Variants in RAD23B observed in about 807,000 individuals in gnomAD.
The protein encoded by RAD23B is RAD23 nucleotide excision repair protein B, also known as lysine-specific demethylase RAD23B.
In RAD23B, 5 loss-of-function variants were observed where a neutral mutation model predicts 49.1. That is an observed-to-expected ratio of 0.10 (90% CI 0.05 to 0.21). The LOEUF is 0.21. Ranked by LOEUF, RAD23B falls within the 10% of genes least tolerant of loss-of-function variation. The pLI, the probability that RAD23B is intolerant of heterozygous loss-of-function variation, is 1.00. For missense variants in RAD23B, 356 were observed against 486.7 expected, an observed-to-expected ratio of 0.73 and a Z score of 2.53; for synonymous variants, 184 against 165.4, an observed-to-expected ratio of 1.11 and a Z score of -0.86.
At chr9:107,315,602 C>T (rs939828597) in intron 5 of RAD23B, among the ~76,000 whole-genome samples, 5 of 152,142 alleles carry the variant, frequency 3.3e-5, no homozygotes, top group Non-Finnish European at 7.4e-5. Context: ...CAACCTCCGC[C>T]TCTTAGGTTC....
chr9:107,302,253 TTTACC>T, intron 3 of RAD23B, 139 bp downstream of exon 3: 1 of 1,184,628 alleles, frequency 8.4e-7, no homozygotes, highest in Middle Eastern at 3.2e-4. Flanking sequence ...TTTTTAAGAA[TTTACC>T]TTAAGTGAAA....
chr9:107,286,932 G>A (rs1054163138), intron 1 of RAD23B, among the ~76,000 whole-genome samples: 2 of 152,066 alleles, frequency 1.3e-5, no homozygotes, highest in East Asian at 3.9e-4. Flanking sequence ...AAAATTAGAC[G>A]GACGTGGTGG....
chr9:107,297,089 T>G (rs1826542074), intron 1 of RAD23B, among the ~76,000 whole-genome samples: 1 of 151,972 alleles, frequency 6.6e-6, no homozygotes, highest in Admixed American at 6.6e-5. Context: ...CTTAACCTTG[T>G]GATCTGCCCG....
At chr9:107,322,165 A>C in intron 7 of RAD23B, 47 bp downstream of exon 7, 1 of 1,520,016 alleles carries the variant, frequency 6.6e-7, no homozygotes, top group Non-Finnish European at 8.9e-7. Flanking sequence ...CTGAATTTTT[A>C]GTGTAAAATA....
At chr9:107,308,759 A>T (rs1826832971) in intron 4 of RAD23B, among the ~76,000 whole-genome samples, 1 of 152,220 alleles carries the variant, frequency 6.6e-6, no homozygotes, top group Admixed American at 6.5e-5. Flanking sequence ...GAGAGGAATG[A>T]GGGAAACTCA....
chr9:107,300,114 C>G, intron 1 of RAD23B, 27 bp from the exon 2 acceptor site: 1 of 1,578,926 alleles, frequency 6.3e-7, no homozygotes, highest in Non-Finnish European at 8.6e-7. Context: ...AGACTTTTTC[C>G]AAAACAAATC....
rs1325413616 is a variant in RAD23B, at chr9:107,307,014, G to T, written c.497+367G>T. On this transcript the variant is annotated intron_variant, in intron 4 of 9. Coordinates refer to ENST00000358015, the MANE Select transcript of RAD23B (RefSeq NM_002874.5). ...CCTGATCATCATTTGTACTTGATCT[G>T]TATTCTTTGTGGTCATTGTCATATA... Among the ~76,000 whole-genome samples, 3 of 151,984 alleles carry T rather than the reference G, an allele frequency of 2.0e-5. No individual in the cohort carries two copies. The East Asian group carries it at 5.8e-4, about 29-fold the overall frequency.
chr9:107,311,706 A>C lies in RAD23B; in HGVS notation c.522A>C (p.Ser174=). The stretch of plus-strand genomic sequence containing the variant: ...GTACATCGGGTGATTCTTCTCGGTC[A>C]AACCTTTTTGAAGATGCAACGAGTG... ...TDSTSGDSSR[S]NLFEDATSAL... Residue 174 remains serine, a synonymous_variant, in exon 5 of 10, where the codon TCA becomes TCC. Transcript: ENST00000358015. 4 of 1,572,316 alleles carry C rather than the reference A, an allele frequency of 2.5e-6. No individual in the cohort carries two copies. Among genetic ancestry groups the C allele is most frequent in the Non-Finnish European group, 3.4e-6 (4 of 1,167,450 alleles).
chr9:107,323,711 G>C (rs3818367), intron 7 of RAD23B, among the ~76,000 whole-genome samples, 179 bp from the exon 8 acceptor site: 84,163 of 151,984 alleles, frequency 0.55, 23,504 homozygotes, highest in East Asian at 0.75. Context: ...AATTTTTGCC[G>C]TATAAAACTT....
At chr9:107,317,612 G>A (rs1827022175) in intron 5 of RAD23B, among the ~76,000 whole-genome samples, 1 of 151,906 alleles carries the variant, frequency 6.6e-6, no homozygotes, top group African/African-American at 2.4e-5. Context: ...ACTGACCCAG[G>A]ATAATTACAC....
At chr9:107,297,798 C>T (rs965079095) in intron 1 of RAD23B, among the ~76,000 whole-genome samples, 3 of 151,478 alleles carry the variant, frequency 2.0e-5, no homozygotes, top group Non-Finnish European at 4.4e-5. Flanking sequence ...TAGAGAGTCC[C>T]GTTACTTATT....
intron 1 of RAD23B, among the ~76,000 whole-genome samples, chr9:107,291,006 T>G (rs1384794358): frequency 1.3e-5 from 2 of 152,202 alleles, no homozygotes; most frequent in Non-Finnish European, 2.9e-5. Context: ...TAAATGTTTT[T>G]TATAGTGTCA....
intron 4 of RAD23B, among the ~76,000 whole-genome samples, chr9:107,309,669 C>T (rs551899022): frequency 1.3e-4 from 20 of 152,258 alleles, no homozygotes; most frequent in Admixed American, 5.2e-4. Context: ...TGGTGGCTCA[C>T]GCCTGTAATC....
chr9:107,300,364 A>G, intron 2 of RAD23B, 142 bp downstream of exon 2: 1 of 977,528 alleles, frequency 1.0e-6, no homozygotes, highest in Non-Finnish European at 1.4e-6. Context: ...AGTCATTTGA[A>G]TCTAATATTA....
intron 9 of RAD23B, among the ~76,000 whole-genome samples, chr9:107,327,270 C>T (rs1474498020): frequency 1.3e-5 from 2 of 151,774 alleles, no homozygotes; most frequent in African/African-American, 2.4e-5. Context: ...TGTTTTAAGT[C>T]TCTCTAATGT....
rs186310669 is a variant in RAD23B at position 107,304,516 on chromosome 9, G to T, written c.229-1863G>T. ...AGTTAAGCTAAATAGGAAAAGAAGG[G>T]AGTAATGCTACTAGTATTTTTTAAA... On this transcript the variant is annotated intron_variant, in intron 3 of 9. Coordinates refer to ENST00000358015, the MANE Select transcript of RAD23B (RefSeq NM_002874.5). Among the ~76,000 whole-genome samples the T allele has an allele frequency of 6.4e-4, 97 of 152,294 alleles. 1 individual carries two copies. Among genetic ancestry groups the T allele is most frequent in the African/African-American group, 2.2e-3 (91 of 41,564 alleles).
In RAD23B at chr9:107,324,880, C is replaced by T. The variant is rs1827173587; in HGVS notation, c.992C>T (p.Pro331Leu). 6.2e-7 allele frequency: 1 copy of T among 1,612,906 alleles called. No homozygotes were observed. Among genetic ancestry groups the T allele is most frequent in the African/African-American group, 1.3e-5 (1 of 74,950 alleles). ...CATTTTATTCAGATGTTAAATGAAC[C>T]AGTTCAAGAAGCTGGTGGTCAAGGA... ...QEHFIQMLNEPVQEAGGQGGG... is the reference protein window; with the variant it reads ...QEHFIQMLNELVQEAGGQGGG... Residue 331 changes from proline (P) to leucine (L), a missense_variant, in exon 9 of 10, where the codon CCA (proline) becomes CTA (leucine). Coordinates refer to ENST00000358015, the MANE Select transcript of RAD23B (RefSeq NM_002874.5).
Position 107,283,343 on chromosome 9 carries a change from C to A in RAD23B, c.-287C>A. The A allele has an allele frequency of 2.4e-6, 1 of 418,180 alleles. No homozygotes were observed. Among genetic ancestry groups the A allele is most frequent in the Non-Finnish European group, 4.2e-6 (1 of 239,760 alleles). 25.9% of individuals were successfully genotyped at this position (418,180 alleles called of 1,614,324 possible). A position where few individuals can be genotyped will look rare whatever the true frequency, so the allele number is the denominator to read the frequency against. Reference sequence around the variant, plus strand: ...GCGGATTCCCTGCTTGTCTCGCCGACCCCCTCGCGCCTTCTGCAGACTCCG... The same window carrying A: ...GCGGATTCCCTGCTTGTCTCGCCGAACCCCTCGCGCCTTCTGCAGACTCCG... On this transcript the variant is annotated 5_prime_UTR_variant, in exon 1 of 10. Transcript: ENST00000358015.
At chr9:107,287,539 G>A (rs1302901419) in intron 1 of RAD23B, among the ~76,000 whole-genome samples, 1 of 152,078 alleles carries the variant, frequency 6.6e-6, no homozygotes, top group Non-Finnish European at 1.5e-5. Context: ...ACCTAATTTC[G>A]TGGTTTACCT....
Sources: allele counts gnomAD v4.1 joint callset (sites outside exome capture counted in the v4.1 genomes callset), GRCh38; gene constraint gnomAD v4.1.1; transcripts MANE v1.5; gene names NCBI Gene and HGNC (gene_info 2026-07-23, HGNC 2026-07-21).